The following SNX29 variants were observed in gnomAD, a reference collection of about 807,000 sequenced individuals.
SNX29 encodes sorting nexin-29.
SNX29 carries 78 observed loss-of-function variants against 102.1 expected under a neutral mutation model. That is an observed-to-expected ratio of 0.76 (90% CI 0.64 to 0.92). SNX29 has a LOEUF of 0.92. Among genes scored for constraint, SNX29 ranks in the 40% least tolerant of loss-of-function variants. The probability of loss-of-function intolerance (pLI) is 0.00; values close to 1 mark genes in which losing one functional copy is unlikely to be tolerated. For synonymous variants in SNX29, 580 were observed against 414.5 expected (o/e 1.40, Z -4.85); for missense variants, 1,280 against 1,061.7 (o/e 1.21, Z -2.86).
intron 16 of SNX29, among the ~76,000 whole-genome samples, chr16:12,387,777 G>T (rs2083388542): frequency 6.6e-6 from 1 of 152,098 alleles, no homozygotes; most frequent in Admixed American, 6.5e-5. Flanking sequence ...GACCTTGGTA[G>T]CCAAAACTAA....
chr16:12,075,960 C>G (rs910872094), intron 10 of SNX29, among the ~76,000 whole-genome samples: 1 of 152,236 alleles, frequency 6.6e-6, no homozygotes, highest in Non-Finnish European at 1.5e-5. Flanking sequence ...GGGTGTAGGA[C>G]CCTCCGAGCC....
intron 18 of SNX29, among the ~76,000 whole-genome samples, chr16:12,448,429 A>G (rs2086159703): frequency 6.6e-6 from 1 of 151,704 alleles, no homozygotes; most frequent in Non-Finnish European, 1.5e-5. Context: ...CATGTTTTTC[A>G]TAAAGTGCAG....
At chr16:12,429,750 A>G (rs571346625) in intron 18 of SNX29, among the ~76,000 whole-genome samples, 2 of 152,278 alleles carry the variant, frequency 1.3e-5, no homozygotes, top group East Asian at 3.9e-4. Context: ...GTTGTAGGGA[A>G]CCATGTTGCT....
intron 16 of SNX29, among the ~76,000 whole-genome samples, chr16:12,376,963 G>C (rs1190317333): frequency 6.6e-6 from 1 of 152,060 alleles, no homozygotes; most frequent in East Asian, 1.9e-4. Flanking sequence ...CTTGGCTGTT[G>C]GTTTCTGAGG....
chr16:11,994,371 C>T (rs2055975730), intron 1 of SNX29, among the ~76,000 whole-genome samples: 1 of 152,176 alleles, frequency 6.6e-6, no homozygotes, highest in Admixed American at 6.5e-5. Context: ...TGGGGGCTGC[C>T]CCTGGAGATG....
At chr16:12,460,759 G>A (rs934532991) in intron 18 of SNX29, among the ~76,000 whole-genome samples, 3 of 150,982 alleles carry the variant, frequency 2.0e-5, no homozygotes, top group African/African-American at 7.3e-5. Context: ...CCGGGTTCAA[G>A]CAATTCTCCA....
intron 11 of SNX29, among the ~76,000 whole-genome samples, chr16:12,097,222 G>A (rs1414872759): frequency 6.6e-6 from 1 of 152,234 alleles, no homozygotes; most frequent in Non-Finnish European, 1.5e-5. Flanking sequence ...GAGAGCTTGC[G>A]GTGATCCCCA....
intron 4 of SNX29, among the ~76,000 whole-genome samples, chr16:12,031,894 C>T (rs950786333): frequency 1.1e-4 from 17 of 152,146 alleles, no homozygotes; most frequent in Non-Finnish European, 2.4e-4. Context: ...GTGTACAATT[C>T]AGTGTAAGTG....
At chr16:12,263,292 T>G (rs2078834804) in intron 14 of SNX29, among the ~76,000 whole-genome samples, 1 of 152,130 alleles carries the variant, frequency 6.6e-6, no homozygotes, top group Non-Finnish European at 1.5e-5. Context: ...CATAGCCAGC[T>G]AATTTTTATA....
chr16:12,404,394 A>G (rs893320609), intron 18 of SNX29, among the ~76,000 whole-genome samples: 7 of 151,990 alleles, frequency 4.6e-5, no homozygotes, highest in Non-Finnish European at 8.8e-5. Context: ...GCTCGTCTGC[A>G]TGTCTGTCTT....
At chr16:12,146,733 G>C (rs577455678) in intron 13 of SNX29, among the ~76,000 whole-genome samples, 1 of 152,212 alleles carries the variant, frequency 6.6e-6, no homozygotes, top group East Asian at 1.9e-4. Flanking sequence ...TTCTCAGCTC[G>C]TTTTTCTTTT....
At chr16:12,563,077 C>G (rs147827568) in intron 20 of SNX29, among the ~76,000 whole-genome samples, 34 of 151,546 alleles carry the variant, frequency 2.2e-4, no homozygotes, top group African/African-American at 8.2e-4. Flanking sequence ...GAAGAGAAAT[C>G]CAGAATGTTA....
intron 14 of SNX29, among the ~76,000 whole-genome samples, chr16:12,267,035 T>C (rs2078950099): frequency 6.6e-6 from 1 of 152,218 alleles, no homozygotes; most frequent in Admixed American, 6.5e-5. Flanking sequence ...AGTGCTGGGA[T>C]CACAGTGAGC....
chr16:12,535,606 T>G, intron 20 of SNX29, among the ~76,000 whole-genome samples: 1 of 147,082 alleles, frequency 6.8e-6, no homozygotes. Context: ...CTCTACCCTT[T>G]GTCACTGTCA....
intron 18 of SNX29, among the ~76,000 whole-genome samples, chr16:12,456,382 A>T (rs1037832573): frequency 2.0e-5 from 3 of 152,222 alleles, no homozygotes; most frequent in Non-Finnish European, 4.4e-5. Flanking sequence ...ACAGCACGAT[A>T]CTGGAAAAAA....
intron 19 of SNX29, among the ~76,000 whole-genome samples, chr16:12,501,876 G>A (rs1483187049): frequency 6.6e-6 from 1 of 152,022 alleles, no homozygotes; most frequent in East Asian, 1.9e-4. Context: ...GTCAGTTAGG[G>A]CCCTTTACAT....
intron 9 of SNX29, among the ~76,000 whole-genome samples, chr16:12,065,616 A>G (rs1241631303): frequency 6.6e-6 from 1 of 152,110 alleles, no homozygotes; most frequent in Non-Finnish European, 1.5e-5. Context: ...CTCTGCCATA[A>G]TCTGATGTGA....
At chr16:12,380,779 A>C in intron 16 of SNX29, among the ~76,000 whole-genome samples, 1 of 53,078 alleles carries the variant, frequency 1.9e-5, no homozygotes. Flanking sequence ...CCATCCATCC[A>C]TCCACCCATC....
At chr16:12,097,914 A>G (rs1053389848) in intron 11 of SNX29, among the ~76,000 whole-genome samples, 4 of 152,224 alleles carry the variant, frequency 2.6e-5, no homozygotes, top group Non-Finnish European at 5.9e-5. Flanking sequence ...ATTGGGAAGG[A>G]GTAGCCTGAC....
Sources: gnomAD v4.1 joint callset for allele counts (sites outside exome capture counted in the v4.1 genomes callset) on GRCh38, gnomAD v4.1.1 for gene constraint, MANE v1.5 for transcripts, NCBI Gene and HGNC (gene_info 2026-07-23, HGNC 2026-07-21) for gene names.